The following SYT1 variants were observed in gnomAD, a reference collection of about 807,000 sequenced individuals.
The protein encoded by SYT1 is synaptotagmin 1, also known as synaptotagmin-1.
Under a neutral mutation model 44.8 loss-of-function variants are expected in SYT1, and 8 were observed. The observed-to-expected ratio is 0.18, with a 90% CI of 0.10 to 0.32. The LOEUF is 0.32. Ranked by LOEUF, SYT1 falls within the 10% of genes least tolerant of loss-of-function variation. The pLI is 1.00. For synonymous variants in SYT1, 154 were observed against 188.8 expected (o/e 0.82, Z 1.51); for missense variants, 286 against 509.3 (o/e 0.56, Z 4.22).
intron 10 of SYT1, among the ~76,000 whole-genome samples, chr12:79,448,578 G>T (rs141026257): frequency 6.6e-6 from 1 of 152,118 alleles, no homozygotes; most frequent in Non-Finnish European, 1.5e-5. Context: ...TGGCATGGAG[G>T]TTCACAGCAT....
chr12:79,302,775 G>T (rs1037410553), intron 8 of SYT1, among the ~76,000 whole-genome samples: 2 of 152,064 alleles, frequency 1.3e-5, no homozygotes, highest in African/African-American at 4.8e-5. Flanking sequence ...ATGCACGGTC[G>T]ACTACTTTCT....
intron 3 of SYT1, among the ~76,000 whole-genome samples, chr12:79,112,066 A>G (rs1879043467): frequency 6.6e-6 from 1 of 151,926 alleles, no homozygotes; most frequent in African/African-American, 2.4e-5. Flanking sequence ...TCAAAGCAAG[A>G]AAGACATGGT....
At chr12:78,956,498 G>A (rs186150127) in intron 1 of SYT1, among the ~76,000 whole-genome samples, 1 of 151,808 alleles carries the variant, frequency 6.6e-6, no homozygotes, top group Admixed American at 6.6e-5. Context: ...AAGAAAACTT[G>A]AGGAGGTTTT....
intron 4 of SYT1, among the ~76,000 whole-genome samples, chr12:79,232,780 T>C (rs75467456): frequency 0.01 from 1,549 of 152,298 alleles, 19 homozygotes; most frequent in Middle Eastern, 0.044. Context: ...GGCAGAATTA[T>C]TATTCTCCTT....
At chr12:79,094,135 C>T (rs1592743227) in intron 3 of SYT1, among the ~76,000 whole-genome samples, 1 of 151,768 alleles carries the variant, frequency 6.6e-6, no homozygotes, top group South Asian at 2.1e-4. Flanking sequence ...AAAGAATATT[C>T]ATTATCTAAT....
intron 3 of SYT1, among the ~76,000 whole-genome samples, chr12:79,070,030 A>G (rs187143777): frequency 1.6e-3 from 237 of 152,204 alleles, no homozygotes; most frequent in Non-Finnish European, 2.6e-3. Flanking sequence ...CATCCTTTCA[A>G]ATTTTTCAAA....
intron 1 of SYT1, among the ~76,000 whole-genome samples, chr12:78,943,012 C>T (rs1328208571): frequency 6.6e-6 from 1 of 152,198 alleles, no homozygotes; most frequent in East Asian, 1.9e-4. Context: ...TTCCACATCA[C>T]TCTCTGTATA....
intron 1 of SYT1, among the ~76,000 whole-genome samples, chr12:78,975,793 C>T (rs1438781133): frequency 6.6e-6 from 1 of 152,118 alleles, no homozygotes; most frequent in East Asian, 1.9e-4. Flanking sequence ...GAATAAGATA[C>T]TTTCTGGGAC....
chr12:78,895,681 A>G (rs765200390), intron 1 of SYT1, among the ~76,000 whole-genome samples: 1 of 151,812 alleles, frequency 6.6e-6, no homozygotes, highest in African/African-American at 2.4e-5. Context: ...TGTGCAAAGT[A>G]TTTGAATAGT....
chr12:79,277,255 G>T (rs1228959800), intron 4 of SYT1, among the ~76,000 whole-genome samples: 1 of 152,022 alleles, frequency 6.6e-6, no homozygotes, highest in Non-Finnish European at 1.5e-5. Flanking sequence ...ACTTATAAAA[G>T]AAATAACATA....
At chr12:79,119,333 T>C (rs1368588711) in intron 3 of SYT1, among the ~76,000 whole-genome samples, 1 of 152,216 alleles carries the variant, frequency 6.6e-6, no homozygotes. Flanking sequence ...CTCCATTTCC[T>C]GGAGAAAACA....
chr12:79,323,955 T>C (rs1032123440), intron 8 of SYT1, among the ~76,000 whole-genome samples: 2 of 144,658 alleles, frequency 1.4e-5, no homozygotes, highest in African/African-American at 2.5e-5. Flanking sequence ...TTTCTTTTTT[T>C]TTTTTTTTTT....
At chr12:78,890,668 A>C (rs1292282701) in intron 1 of SYT1, among the ~76,000 whole-genome samples, 1 of 151,812 alleles carries the variant, frequency 6.6e-6, no homozygotes, top group African/African-American at 2.4e-5. Context: ...CATTGTAACC[A>C]GTCTTTCATT....
intron 3 of SYT1, among the ~76,000 whole-genome samples, chr12:79,068,853 A>C (rs1468465613): frequency 6.6e-6 from 1 of 152,076 alleles, no homozygotes; most frequent in African/African-American, 2.4e-5. Context: ...TGTGGGAAAA[A>C]TTTTGATATT....
chr12:79,281,256 C>T (rs1025485278), intron 4 of SYT1, among the ~76,000 whole-genome samples: 5 of 152,054 alleles, frequency 3.3e-5, no homozygotes, highest in African/African-American at 1.2e-4. Context: ...AACCTAAGTG[C>T]TCATCAATGG....
chr12:79,341,492 T>C (rs1882372441), intron 8 of SYT1: 1 of 152,024 alleles, frequency 6.6e-6, no homozygotes, highest in Non-Finnish European at 1.5e-5. Context: ...ATCACTTCTG[T>C]TCACATTCCA....
At chr12:79,254,599 T>G (rs763065926) in intron 4 of SYT1, among the ~76,000 whole-genome samples, 6 of 152,176 alleles carry the variant, frequency 3.9e-5, no homozygotes, top group Admixed American at 2.0e-4. Flanking sequence ...TTTGTAAGAC[T>G]GTAACTGCTG....
At chr12:79,105,836 C>T (rs950196623) in intron 3 of SYT1, among the ~76,000 whole-genome samples, 5 of 151,214 alleles carry the variant, frequency 3.3e-5, no homozygotes, top group Admixed American at 2.0e-4. Context: ...GCCTAGATTG[C>T]GCCACTGCAC....
intron 1 of SYT1, among the ~76,000 whole-genome samples, chr12:78,906,229 A>G (rs1052005817): frequency 2.0e-5 from 3 of 152,138 alleles, no homozygotes; most frequent in Non-Finnish European, 4.4e-5. Flanking sequence ...GAAATCAAAT[A>G]TTAAGTTCTG....
Sources: gnomAD v4.1 joint callset for allele counts (sites outside exome capture counted in the v4.1 genomes callset) on GRCh38, gnomAD v4.1.1 for gene constraint, MANE v1.5 for transcripts, NCBI Gene and HGNC (gene_info 2026-07-23, HGNC 2026-07-21) for gene names.